The following SND1 variants were observed in gnomAD, a reference collection of about 807,000 sequenced individuals.
SND1 encodes the protein staphylococcal nuclease domain-containing protein 1.
Under a neutral mutation model 121.7 loss-of-function variants are expected in SND1, and 38 were observed. That is an observed-to-expected ratio of 0.31 (90% confidence interval 0.24 to 0.41). The LOEUF is 0.41. Among genes scored for constraint, SND1 ranks in the 10% least tolerant of loss-of-function variants. The probability of loss-of-function intolerance (pLI) is 1.00; values close to 1 mark genes in which losing one functional copy is unlikely to be tolerated. For synonymous variants in SND1, 401 were observed against 447.4 expected (o/e 0.90, Z 1.31); for missense variants, 868 against 1,184.6 (o/e 0.73, Z 3.92).
chr7:128,041,267 T>C (rs1236671348), intron 16 of SND1, among the ~76,000 whole-genome samples: 2 of 151,946 alleles, frequency 1.3e-5, no homozygotes, highest in African/African-American at 4.8e-5. Flanking sequence ...AGACCCCCCA[T>C]CTCTAAAATA....
At chr7:127,997,077 A>G (rs1235324933) in intron 16 of SND1, among the ~76,000 whole-genome samples, 1 of 152,250 alleles carries the variant, frequency 6.6e-6, no homozygotes, top group Non-Finnish European at 1.5e-5. Context: ...TTAATCTCAC[A>G]GCAAACCTAT....
chr7:128,023,328 T>C (rs991090343), intron 16 of SND1, among the ~76,000 whole-genome samples: 10 of 152,166 alleles, frequency 6.6e-5, no homozygotes, highest in African/African-American at 1.9e-4. Flanking sequence ...TAACACTTAA[T>C]GGTCAGGGAG....
chr7:127,823,009 T>C (rs1798577840), intron 11 of SND1, among the ~76,000 whole-genome samples: 1 of 152,212 alleles, frequency 6.6e-6, no homozygotes, highest in Non-Finnish European at 1.5e-5. Flanking sequence ...AAGAGCGTAA[T>C]CGATAACAGC....
At chr7:127,823,718 A>G (rs769128351) in intron 11 of SND1, among the ~76,000 whole-genome samples, 6 of 151,698 alleles carry the variant, frequency 4.0e-5, no homozygotes, top group Non-Finnish European at 7.4e-5. Flanking sequence ...TGAACGCTCA[A>G]TTAATTAATC....
At chr7:127,844,785 G>A (rs1799027865) in intron 12 of SND1, among the ~76,000 whole-genome samples, 1 of 152,166 alleles carries the variant, frequency 6.6e-6, no homozygotes, top group Non-Finnish European at 1.5e-5. Context: ...AGAATAGCAG[G>A]TAACAAAGAG....
chr7:127,932,990 T>C (rs1289586168), intron 15 of SND1, among the ~76,000 whole-genome samples: 1 of 152,204 alleles, frequency 6.6e-6, no homozygotes, highest in Non-Finnish European at 1.5e-5. Context: ...CTCTGTAGCA[T>C]CTCATCTTCT....
chr7:128,042,508 C>G (rs1334316008), intron 16 of SND1: 2 of 152,372 alleles, frequency 1.3e-5, no homozygotes, highest in African/African-American at 4.8e-5. Context: ...GACCAACCAG[C>G]CAACAAACTG....
intron 16 of SND1, among the ~76,000 whole-genome samples, chr7:128,024,798 A>G (rs1803436828): frequency 6.6e-6 from 1 of 152,210 alleles, no homozygotes; most frequent in Admixed American, 6.5e-5. Flanking sequence ...CATGGCACTT[A>G]AAGAGTTAGA....
At chr7:127,656,231 T>C (rs757646047) in intron 1 of SND1, among the ~76,000 whole-genome samples, 4 of 152,170 alleles carry the variant, frequency 2.6e-5, no homozygotes, top group Non-Finnish European at 2.9e-5. Context: ...ATTCCTTCAG[T>C]GTACAGCCTT....
At chr7:127,720,451 G>A (rs952405326) in intron 9 of SND1, among the ~76,000 whole-genome samples, 1 of 152,234 alleles carries the variant, frequency 6.6e-6, no homozygotes, top group South Asian at 2.1e-4. Flanking sequence ...TAGACTGCTG[G>A]CTGTATTATG....
Position 127,972,752 on chromosome 7 carries a change from G to A in SND1, c.1670-18195G>A, listed in dbSNP as rs142068444. Among the ~76,000 whole-genome samples, 81 of 151,636 alleles carry A rather than the reference G, an allele frequency of 5.3e-4. No individual in the cohort carries two copies. The East Asian group carries it at 0.014, about 26-fold the overall frequency. ...GCACTATCACACCTGGCTAATTTTT[G>A]TATTTTTAGTAGAGACAGGGTTTCA... is the stretch of plus-strand genomic sequence containing the variant. On this transcript the variant is annotated intron_variant, in intron 15 of 23. Transcript: ENST00000354725.
intron 16 of SND1, among the ~76,000 whole-genome samples, chr7:128,048,525 G>A (rs957297055): frequency 1.3e-5 from 2 of 152,150 alleles, no homozygotes; most frequent in African/African-American, 2.4e-5. Flanking sequence ...GAGTTAAGTG[G>A]TTCAATTAGC....
chr7:128,025,925 C>T (rs1282768163), intron 16 of SND1, among the ~76,000 whole-genome samples: 5 of 151,960 alleles, frequency 3.3e-5, no homozygotes, highest in African/African-American at 9.7e-5. Flanking sequence ...GTTTTAGGCC[C>T]ATTTCTGTAC....
chr7:128,035,991 G>A (rs1792743098), intron 16 of SND1, among the ~76,000 whole-genome samples: 1 of 152,080 alleles, frequency 6.6e-6, no homozygotes, highest in Non-Finnish European at 1.5e-5. Flanking sequence ...TAGGCTTTGC[G>A]GACTCTTTTA....
intron 11 of SND1, among the ~76,000 whole-genome samples, chr7:127,815,413 C>T (rs1798420148): frequency 6.6e-6 from 1 of 152,026 alleles, no homozygotes; most frequent in Admixed American, 6.6e-5. Flanking sequence ...TCACTTGAGC[C>T]TAGGAGTTGG....
chr7:127,694,158 G>A (rs1394274307), intron 2 of SND1, among the ~76,000 whole-genome samples: 3 of 152,188 alleles, frequency 2.0e-5, no homozygotes, highest in Non-Finnish European at 4.4e-5. Context: ...TAGAAGAAGA[G>A]CCATTTTGGG....
intron 12 of SND1, among the ~76,000 whole-genome samples, chr7:127,875,133 T>C (rs1365062576): frequency 8.5e-5 from 13 of 152,168 alleles, no homozygotes; most frequent in Non-Finnish European, 1.6e-4. Flanking sequence ...TTAGTTTCTC[T>C]CTATGGAGTC....
intron 17 of SND1, 62 bp downstream of exon 17, chr7:128,074,752 G>C (rs1359269886): frequency 6.9e-7 from 1 of 1,458,216 alleles, no homozygotes; most frequent in Non-Finnish European, 9.3e-7. Context: ...CACTAATGCT[G>C]CTGCCTCCAG....
chr7:127,902,892 T>C (rs2116761931), intron 13 of SND1, among the ~76,000 whole-genome samples: 1 of 152,008 alleles, frequency 6.6e-6, no homozygotes, highest in Non-Finnish European at 1.5e-5. Context: ...TTATTTTATT[T>C]TATTTTTTTT....
Sources: allele counts gnomAD v4.1 joint callset (sites outside exome capture counted in the v4.1 genomes callset), GRCh38; gene constraint gnomAD v4.1.1; transcripts MANE v1.5; gene names NCBI Gene and HGNC (gene_info 2026-07-23, HGNC 2026-07-21).